Variants in PPARGC1A observed in about 807,000 individuals in gnomAD.
The protein encoded by PPARGC1A is peroxisome proliferator-activated receptor gamma coactivator 1-alpha.
Under a neutral mutation model 88.7 loss-of-function variants are expected in PPARGC1A, and 25 were observed. That is an observed-to-expected ratio of 0.28 (90% CI 0.21 to 0.39). The LOEUF (loss-of-function observed/expected upper bound fraction) is 0.39, where lower values mean the gene tolerates loss of function less well. Ranked by LOEUF, PPARGC1A falls within the 10% of genes least tolerant of loss-of-function variation. PPARGC1A has a pLI of 1.00. For missense variants in PPARGC1A, 880 were observed against 968.7 expected (o/e 0.91, Z 1.22); for synonymous variants, 363 against 355.6 (o/e 1.02, Z -0.24).
the PPARGC1A span, among the ~76,000 whole-genome samples, chr4:24,293,985 TTTTGGATCAAG>T: frequency 6.6e-6 from 1 of 152,194 alleles, no homozygotes; most frequent in Non-Finnish European, 1.5e-5. Context: ...TATATAAAAC[TTTTGGATCAAG>T]TTTGGCAGAA....
At chr4:24,297,211 T>C in the PPARGC1A span, among the ~76,000 whole-genome samples, 3 of 152,282 alleles carry the variant, frequency 2.0e-5, no homozygotes, top group Admixed American at 6.5e-5. Context: ...AGGCATGAGG[T>C]AGGCATCACA....
At chr4:24,023,866 G>C in the PPARGC1A span, among the ~76,000 whole-genome samples, 2 of 152,192 alleles carry the variant, frequency 1.3e-5, no homozygotes, top group Non-Finnish European at 2.9e-5. Context: ...GCTGATCAGA[G>C]AAGGTGGTAT....
intron 10 of PPARGC1A, among the ~76,000 whole-genome samples, chr4:23,810,541 G>T (rs1720706014): frequency 6.6e-6 from 1 of 152,130 alleles, no homozygotes; most frequent in Non-Finnish European, 1.5e-5. Flanking sequence ...CAACAAAAAA[G>T]ACACCTCCCT....
the PPARGC1A span, among the ~76,000 whole-genome samples, chr4:24,332,775 A>T: frequency 6.6e-6 from 1 of 152,238 alleles, no homozygotes; most frequent in Non-Finnish European, 1.5e-5. Flanking sequence ...GGGAGTTAAC[A>T]GATGCGATAG....
At chr4:24,463,648 G>A in the PPARGC1A span, among the ~76,000 whole-genome samples, 3 of 152,324 alleles carry the variant, frequency 2.0e-5, no homozygotes, top group Non-Finnish European at 2.9e-5. Flanking sequence ...AGGCTGGGCA[G>A]GATGAGGATC....
At chr4:24,233,585 TACACACAC>T in the PPARGC1A span, among the ~76,000 whole-genome samples, 7,819 of 149,242 alleles carry the variant, frequency 0.052, 222 homozygotes, top group Middle Eastern at 0.073. Flanking sequence ...CACAAACACA[TACACACAC>T]ACACACACAC....
At chr4:24,371,866 G>A in the PPARGC1A span, among the ~76,000 whole-genome samples, 16 of 151,958 alleles carry the variant, frequency 1.1e-4, no homozygotes, top group African/African-American at 2.2e-4. Flanking sequence ...CAAGAGAATC[G>A]TTTGAACCTG....
chr4:24,278,515 G>A, the PPARGC1A span, among the ~76,000 whole-genome samples: 2 of 152,252 alleles, frequency 1.3e-5, no homozygotes, highest in South Asian at 4.1e-4. Flanking sequence ...CAACACTTAA[G>A]GCTACACACA....
chr4:24,008,730 ACAGAATCTAAT>A, the PPARGC1A span, among the ~76,000 whole-genome samples: 1 of 152,016 alleles, frequency 6.6e-6, no homozygotes, highest in Non-Finnish European at 1.5e-5. Context: ...TCTTTGATTG[ACAGAATCTAAT>A]CACTAGAAGG....
chr4:23,966,721 C>T, the PPARGC1A span, among the ~76,000 whole-genome samples: 1 of 152,146 alleles, frequency 6.6e-6, no homozygotes. Context: ...AGATTTGAAC[C>T]CAGGTCTGTC....
At chr4:24,065,175 C>G in the PPARGC1A span, among the ~76,000 whole-genome samples, 1 of 152,088 alleles carries the variant, frequency 6.6e-6, no homozygotes, top group Non-Finnish European at 1.5e-5. Flanking sequence ...AGAAGAGACC[C>G]AATCGCGTAG....
At chr4:23,971,740 C>T in the PPARGC1A span, among the ~76,000 whole-genome samples, 1 of 152,168 alleles carries the variant, frequency 6.6e-6, no homozygotes, top group Non-Finnish European at 1.5e-5. Context: ...TGCTAATCTC[C>T]TTTGGCAACA....
the PPARGC1A span, among the ~76,000 whole-genome samples, chr4:24,051,225 T>G: frequency 2.1e-3 from 280 of 130,980 alleles, 1 homozygote; most frequent in African/African-American, 7.4e-3. Context: ...AAACCTAAAC[T>G]CTATTCATGC....
At chr4:24,090,226 C>T in the PPARGC1A span, among the ~76,000 whole-genome samples, 1 of 152,150 alleles carries the variant, frequency 6.6e-6, no homozygotes, top group Admixed American at 6.5e-5. Context: ...TCTGTTTGGA[C>T]CCCTGGAGAC....
chr4:24,318,939 T>C, the PPARGC1A span, among the ~76,000 whole-genome samples: 2 of 152,154 alleles, frequency 1.3e-5, no homozygotes, highest in Non-Finnish European at 2.9e-5. Context: ...CAAGAATGAA[T>C]ACTATTTCTG....
At chr4:24,340,601 G>A in the PPARGC1A span, among the ~76,000 whole-genome samples, 32 of 152,064 alleles carry the variant, frequency 2.1e-4, no homozygotes, top group Middle Eastern at 3.4e-3. Flanking sequence ...CTATTAAGCC[G>A]TAGGTGACTA....
At chr4:24,314,672 A>C in the PPARGC1A span, among the ~76,000 whole-genome samples, 10 of 152,326 alleles carry the variant, frequency 6.6e-5, no homozygotes, top group Non-Finnish European at 1.3e-4. Flanking sequence ...GGATGGTGAT[A>C]ATAGAGTTTT....
chr4:24,381,743 T>C, the PPARGC1A span, among the ~76,000 whole-genome samples: 1 of 152,232 alleles, frequency 6.6e-6, no homozygotes, highest in Non-Finnish European at 1.5e-5. Context: ...GAATTAATTG[T>C]TGTCTAGATT....
At chr4:24,275,551 G>A in the PPARGC1A span, among the ~76,000 whole-genome samples, 2 of 152,206 alleles carry the variant, frequency 1.3e-5, no homozygotes, top group Non-Finnish European at 2.9e-5. Context: ...ACAGGTATGA[G>A]CAAGAATTTC....
Sources: gnomAD v4.1 joint callset for allele counts (sites outside exome capture counted in the v4.1 genomes callset) on GRCh38, gnomAD v4.1.1 for gene constraint, MANE v1.5 for transcripts, NCBI Gene and HGNC (gene_info 2026-07-23, HGNC 2026-07-21) for gene names.